PLET1: variants seen among roughly 807,000 people sequenced by gnomAD.
PLET1 encodes the protein placenta expressed transcript 1.
PLET1 carries 20 observed loss-of-function variants against 18.5 expected under a neutral mutation model. The ratio of observed to expected loss-of-function variants is 1.08; its 90% CI spans 0.76 to 1.57. The LOEUF (loss-of-function observed/expected upper bound fraction) is 1.57. Among genes scored for constraint, PLET1 ranks in the 40% most tolerant of loss-of-function variants. PLET1 has a pLI of 0.00. For synonymous variants in PLET1, 93 were observed against 93.8 expected (o/e 0.99, Z 0.05); for missense variants, 256 against 246.4 (o/e 1.04, Z -0.26).
chr11:112,255,726 C>T (rs1592891469), intron 1 of PLET1, 137 bp from the exon 2 acceptor site: 3 of 732,674 alleles, frequency 4.1e-6, no homozygotes, highest in Non-Finnish European at 7.0e-6. Context: ...TATGGTCTCA[C>T]TGTTGTAAAA....
Position 112,255,521 on chromosome 11 carries a change from C to T in PLET1, c.253G>A (p.Ala85Thr), listed in dbSNP as rs1227981417. The T allele has an allele frequency of 6.4e-7, 1 of 1,551,676 alleles. No homozygotes were observed. Among genetic ancestry groups the T allele is most frequent in the Admixed American group, 2.0e-5 (1 of 50,992 alleles). Reference sequence around the variant, plus strand: ...TTATCCGCTCTTTGCCAGAGGCCCGCTGAGTCACTGTTCTCGTCCAAGGTT... The same window carrying T: ...TTATCCGCTCTTTGCCAGAGGCCCGTTGAGTCACTGTTCTCGTCCAAGGTT... ...MKTLDENSDS[A>T]GLWQRADKNC... The change falls in exon 2 of 4, where the codon GCG (alanine) becomes ACG (threonine). Residue 85 changes from alanine (A) to threonine (T), a missense_variant. Physicochemically the swap from Ala to Thr is moderately conservative, Grantham distance 58. Transcript: ENST00000338832.
At chr11:112,251,765 T>C (rs1410168396) in intron 3 of PLET1, among the ~76,000 whole-genome samples, 2 of 152,084 alleles carry the variant, frequency 1.3e-5, no homozygotes, top group Non-Finnish European at 2.9e-5. Context: ...AGAAAGGGAA[T>C]GGGGAAGAAG....
chr11:112,249,070 ATG>A (rs1860129310), intron 3 of PLET1, 96 bp from the exon 4 acceptor site: 1 of 1,118,178 alleles, frequency 8.9e-7, no homozygotes, highest in Non-Finnish European at 1.3e-6. Context: ...GGGTAATCTG[ATG>A]GAATGCTAGA....
rs777140482 is a variant in PLET1, at chr11:112,255,528, A to G, written c.246T>C (p.Ser82=). Residue 82 remains serine (S), a synonymous_variant, in exon 2 of 4, where the codon AGT becomes AGC. Coordinates refer to ENST00000338832, the MANE Select transcript of PLET1 (RefSeq NM_001145024.1). The part of the protein sequence containing the change: ...AVVMKTLDEN[S]DSAGLWQRAD... ...CTCTTTGCCAGAGGCCCGCTGAGTCACTGTTCTCGTCCAAGGTTTTCATGA... is the reference window on the plus strand; with the variant it reads ...CTCTTTGCCAGAGGCCCGCTGAGTCGCTGTTCTCGTCCAAGGTTTTCATGA... The G allele has an allele frequency of 1.3e-6, 2 of 1,551,508 alleles. No individual in the cohort carries two copies. The highest frequency in any genetic ancestry group is 1.7e-6 in the Non-Finnish European group (2 of 1,146,868).
chr11:112,258,892 A>G (rs955183074), intron 1 of PLET1, among the ~76,000 whole-genome samples: 1 of 152,216 alleles, frequency 6.6e-6, no homozygotes, highest in Non-Finnish European at 1.5e-5. Context: ...AAGGCATGCC[A>G]TGATTGTTCA....
Position 112,248,652 on chromosome 11 carries a change from T to G in PLET1, c.*147A>C. ...CCTGCCAATGAGTGCCTCCAGATCTTTGTTTTGGTCTGAAGCCGTGGCAGC... is the reference window on the plus strand; with the variant it reads ...CCTGCCAATGAGTGCCTCCAGATCTGTGTTTTGGTCTGAAGCCGTGGCAGC... On this transcript the variant is annotated 3_prime_UTR_variant, in exon 4 of 4. Coordinates refer to ENST00000338832, the MANE Select transcript of PLET1 (RefSeq NM_001145024.1). The G allele has an allele frequency of 1.2e-6, 1 of 868,210 alleles. No homozygotes were observed. The highest frequency in any genetic ancestry group is 1.7e-6 in the Non-Finnish European group (1 of 572,662). The allele number at this position is 868,210 out of a possible 1,614,324, so 53.8% of individuals were successfully genotyped here.
intron 2 of PLET1, among the ~76,000 whole-genome samples, chr11:112,254,696 G>GTGTGTGGTGCA (rs1860197159): frequency 7.0e-6 from 1 of 141,974 alleles, no homozygotes; most frequent in Non-Finnish European, 1.5e-5. Context: ...TGTGTGGTGT[G>GTGTGTGGTGCA]TGTGGTATGT....
At position 112,255,344 on chromosome 11, in the gene PLET1, T is replaced by C. The variant is rs537296648; in HGVS notation, c.386+44A>G. The C allele has an allele frequency of 1.6e-5, 24 of 1,523,930 alleles. No individual in the cohort carries two copies. In the East Asian group the frequency reaches 4.2e-4, roughly 26 times the overall value. The allele number at this position is 1,523,930 out of a possible 1,614,324, so 94.4% of individuals were successfully genotyped here. ...TTAGTGTAAAACTGCATAAACCCAA[T>C]ATGAAAATTTTAAAGCCCAAAGCAA... On this transcript the variant is annotated intron_variant, in intron 2 of 3. Coordinates refer to ENST00000338832, the MANE Select transcript of PLET1 (RefSeq NM_001145024.1).
intron 2 of PLET1, among the ~76,000 whole-genome samples, chr11:112,254,157 G>T (rs1281271677): frequency 1.3e-5 from 2 of 151,732 alleles, no homozygotes; most frequent in Admixed American, 6.6e-5. Flanking sequence ...CAAAGAGGGT[G>T]CTCAGTTCTT....
intron 2 of PLET1, among the ~76,000 whole-genome samples, chr11:112,254,574 G>T (rs1334562409): frequency 2.1e-5 from 3 of 146,220 alleles, no homozygotes; most frequent in African/African-American, 7.6e-5. Context: ...TGTGCGTGTG[G>T]TATGTATGTG....
intron 1 of PLET1, among the ~76,000 whole-genome samples, chr11:112,255,816 A>T (rs1860219628): frequency 6.6e-6 from 1 of 152,282 alleles, no homozygotes; most frequent in South Asian, 2.1e-4. Flanking sequence ...GATGATTTTT[A>T]TTTTCTTTCT....
Position 112,260,758 on chromosome 11 carries a change from T to C in PLET1, c.-169A>G. ...ATTTGGCCCAAGACATCACCAGGAATGAATCACCAGTCACCATTACCTGTC... is the reference window on the plus strand; with the variant it reads ...ATTTGGCCCAAGACATCACCAGGAACGAATCACCAGTCACCATTACCTGTC... On this transcript the variant is annotated 5_prime_UTR_variant, in exon 1 of 4. Transcript: ENST00000338832. The C allele has an allele frequency of 1.6e-6, 1 of 607,232 alleles. No homozygotes were observed. The highest frequency in any genetic ancestry group is 2.8e-6 in the Non-Finnish European group (1 of 354,168). The allele number at this position is 607,232 out of a possible 1,614,324, so 37.6% of individuals were successfully genotyped here.
chr11:112,255,535 T>C lies in PLET1; in HGVS notation c.239A>G (p.Glu80Gly). The change falls in exon 2 of 4, where the codon GAG becomes GGG. Residue 80 changes from glutamate to glycine, a missense_variant. Physicochemically the swap from Glu to Gly is moderately conservative, Grantham distance 98 (BLOSUM62 -2). Coordinates refer to ENST00000338832, the MANE Select transcript of PLET1 (RefSeq NM_001145024.1). ...VYAVVMKTLD[E>G]NSDSAGLWQR... ...CCAGAGGCCCGCTGAGTCACTGTTC[T>C]CGTCCAAGGTTTTCATGACCACAGC... is the stretch of plus-strand genomic sequence containing the variant. The C allele has an allele frequency of 6.4e-7, 1 of 1,551,642 alleles. No homozygotes were observed. The highest frequency in any genetic ancestry group is 8.7e-7 in the Non-Finnish European group (1 of 1,146,848).
rs1860276436 is a variant in PLET1, at chr11:112,260,437, T to G, written c.153A>C (p.Ser51=). 1 of 1,551,814 alleles carries G rather than the reference T, an allele frequency of 6.4e-7. No individual in the cohort carries two copies. Among genetic ancestry groups the G allele is most frequent in the East Asian group, 2.4e-5 (1 of 40,924 alleles). Residue 51 remains serine (S), a synonymous_variant, in exon 1 of 4, where the codon TCA becomes TCC. Transcript: ENST00000338832. ...YTITLDIKAS[S]HIYESNAVYS... Reference sequence around the variant, plus strand: ...AGACTGCATTGCTTTCGTAGATATGTGAACTGGCCTTGATGTCTAGGGTTA... The same window carrying G: ...AGACTGCATTGCTTTCGTAGATATGGGAACTGGCCTTGATGTCTAGGGTTA...
chr11:112,254,653 CTG>C (rs1316963020), intron 2 of PLET1, among the ~76,000 whole-genome samples: 84 of 65,054 alleles, frequency 1.3e-3, no homozygotes, highest in African/African-American at 4.0e-3. Flanking sequence ...GTGGTGTGTG[CTG>C]TGTGTGTGAT....
intron 2 of PLET1, among the ~76,000 whole-genome samples, chr11:112,254,777 GCA>G (rs1439254923): frequency 0.1 from 499 of 4,818 alleles, 10 homozygotes; most frequent in African/African-American, 0.25. Flanking sequence ...CGTGTGGTAC[GCA>G]TCGTGTGTGT....
Position 112,255,391 on chromosome 11 carries a change from A to C in PLET1, c.383T>G (p.Ile128Arg), listed in dbSNP as rs1566829603. Residue 128 changes from isoleucine to arginine, a missense_variant, in exon 2 of 4, where the codon ATA (isoleucine) becomes AGA (arginine). Ile to Arg is a moderately conservative substitution (Grantham distance 97). Transcript: ENST00000338832. ...PEPENITEVE[I>R]QAFTVQIRAL... is the part of the protein sequence containing the mutation. ...GCAAAGCAAGCTAGGTTCTTACTGT[A>C]TCTCCACTTCAGTTATGTTCTCAGG... The C allele has an allele frequency of 6.4e-7, 1 of 1,552,170 alleles. No individual in the cohort carries two copies. Among genetic ancestry groups the C allele is most frequent in the South Asian group, 1.2e-5 (1 of 84,066 alleles).
At chr11:112,252,314 G>C (rs1276547719) in intron 3 of PLET1, 34 bp downstream of exon 3, 2 of 1,528,318 alleles carry the variant, frequency 1.3e-6, no homozygotes, top group Non-Finnish European at 1.8e-6. Flanking sequence ...TGAGTTCATT[G>C]CAAGACTTGC....
At chr11:112,252,263 C>T in intron 3 of PLET1, 85 bp downstream of exon 3, 1 of 1,248,332 alleles carries the variant, frequency 8.0e-7, no homozygotes, top group Non-Finnish European at 1.1e-6. Flanking sequence ...TAAGAAGACC[C>T]TCTTTTCTAG....
Sources: gnomAD v4.1 joint callset for allele counts (sites outside exome capture counted in the v4.1 genomes callset) on GRCh38, gnomAD v4.1.1 for gene constraint, MANE v1.5 for transcripts, NCBI Gene and HGNC (gene_info 2026-07-23, HGNC 2026-07-21) for gene names.